The following FAM118A variants were observed in gnomAD, a reference collection of about 807,000 sequenced individuals.
FAM118A encodes the protein protein FAM118A.
FAM118A carries 25 observed loss-of-function variants against 38.2 expected under a neutral mutation model. The observed-to-expected ratio is 0.65, with a 90% CI of 0.48 to 0.91. The LOEUF is 0.91. Ranked by LOEUF, FAM118A falls within the 40% of genes least tolerant of loss-of-function variation. The pLI is 0.00. For missense variants in FAM118A, 425 were observed against 463.3 expected, an observed-to-expected ratio of 0.92 and a Z score of 0.76; for synonymous variants, 178 against 184.1, an observed-to-expected ratio of 0.97 and a Z score of 0.27.
In FAM118A at chr22:45,310,139, G is replaced by A. The variant is rs2146565669; in HGVS notation, c.-54G>A. On this transcript the variant is annotated 5_prime_UTR_variant, in exon 1 of 9. Transcript: ENST00000441876. Reference sequence around the variant, plus strand: ...AGGCGTAGCCGGCTGCGGAGGCGAAGAGGTGGCAGCGCGAGCTGGGACCAG... The same window carrying A: ...AGGCGTAGCCGGCTGCGGAGGCGAAAAGGTGGCAGCGCGAGCTGGGACCAG... 6.6e-6 allele frequency: 1 copy of A among 151,966 alleles called. No homozygotes were observed. Among genetic ancestry groups the A allele is most frequent in the South Asian group, 2.1e-4 (1 of 4,792 alleles). The allele number at this position is 151,966 out of a possible 1,614,324, so 9.4% of individuals were successfully genotyped here.
upstream of FAM118A, chr22:45,309,647 C>G (rs867503327): frequency 4.6e-5 from 7 of 152,256 alleles, no homozygotes; most frequent in African/African-American, 1.4e-4. Context: ...GCTCGCCGGG[C>G]CAGGTAGGGC....
At chr22:45,323,076 T>A in intron 2 of FAM118A, 99 bp from the exon 3 acceptor site, 8 of 1,282,206 alleles carry the variant, frequency 6.2e-6, no homozygotes, top group Non-Finnish European at 8.8e-6. Context: ...TGTGTGTGTG[T>A]ACACAGCACA....
chr22:45,309,683 G>C (rs1040610935), upstream of FAM118A: 2 of 152,268 alleles, frequency 1.3e-5, no homozygotes, highest in Non-Finnish European at 2.9e-5. Flanking sequence ...AGGCCCAAGC[G>C]CTCCCCAGCG....
chr22:45,325,419 G>A (rs942010323), intron 3 of FAM118A, among the ~76,000 whole-genome samples: 9 of 152,160 alleles, frequency 5.9e-5, no homozygotes, highest in Admixed American at 2.0e-4. Flanking sequence ...GCTTGCAAGT[G>A]TATTGGGGGA....
intron 2 of FAM118A, 118 bp from the exon 3 acceptor site, chr22:45,323,041 CTGTGTGTGTGTGTGTG>C (rs3041118): frequency 2.4e-5 from 16 of 659,786 alleles, no homozygotes; most frequent in African/African-American, 7.5e-5. Context: ...TCAGAGGGGA[CTGTGTGTGTGTGTGTG>C]TGTGTGTGTG....
intron 2 of FAM118A, 61 bp from the exon 3 acceptor site, chr22:45,323,114 C>G (rs2084999245): frequency 3.2e-6 from 5 of 1,585,354 alleles, no homozygotes; most frequent in Non-Finnish European, 4.3e-6. Flanking sequence ...CAGTTCCAGA[C>G]TTTGTGTTTG....
intron 1 of FAM118A, among the ~76,000 whole-genome samples, chr22:45,320,192 C>CTGTG (rs1387407564): frequency 1.3e-5 from 2 of 152,074 alleles, no homozygotes; most frequent in African/African-American, 4.8e-5. Flanking sequence ...CAGCCAGTTG[C>CTGTG]TGTGGCTCAT....
chr22:45,340,388 G>C lies in FAM118A; in HGVS notation c.1057G>C (p.Asp353His). 6.2e-7 allele frequency: 1 copy of C among 1,614,210 alleles called. No individual in the cohort carries two copies. Among genetic ancestry groups the C allele is most frequent in the Non-Finnish European group, 8.5e-7 (1 of 1,180,038 alleles). ...SKKRTQSDTD[D>H]AGGS The stretch of plus-strand genomic sequence containing the variant: ...ATTTCATTCTTTTATTTAAACAGAT[G>C]ATGCTGGAGGGTCTTGAAATCTTTA... The change falls in exon 9 of 9, where the codon GAT becomes CAT. Residue 353 changes from aspartate to histidine, a missense_variant and splice_region_variant. Asp to His is a moderately conservative substitution (Grantham distance 81). Coordinates refer to ENST00000441876, the MANE Select transcript of FAM118A (RefSeq NM_017911.4).
chr22:45,309,895 C>A (rs940277448), upstream of FAM118A: 1 of 152,116 alleles, frequency 6.6e-6, no homozygotes, highest in African/African-American at 2.4e-5. Context: ...CGGGACGGAA[C>A]GTTCACGCGG....
chr22:45,314,238 A>G (rs1380625511), intron 1 of FAM118A, among the ~76,000 whole-genome samples: 1 of 152,308 alleles, frequency 6.6e-6, no homozygotes, highest in East Asian at 1.9e-4. Flanking sequence ...TAACATGGAC[A>G]GTTGAATGAT....
At chr22:45,339,778 G>A (rs529653415) in intron 8 of FAM118A, among the ~76,000 whole-genome samples, 1 of 152,162 alleles carries the variant, frequency 6.6e-6, no homozygotes, top group Non-Finnish European at 1.5e-5. Flanking sequence ...TTGTCCCCCC[G>A]TGGCCTACCT....
intron 5 of FAM118A, among the ~76,000 whole-genome samples, chr22:45,331,328 A>T (rs979511528): frequency 1.3e-5 from 2 of 150,810 alleles, no homozygotes; most frequent in African/African-American, 4.9e-5. Flanking sequence ...CATTTCTAAA[A>T]AAATAAATAA....
At position 45,322,357 on chromosome 22, in the gene FAM118A, A is replaced by C; in HGVS notation, c.-9-14A>C. 6.2e-7 allele frequency: 1 copy of C among 1,606,004 alleles called. No homozygotes were observed. The highest frequency in any genetic ancestry group is 8.5e-7 in the Non-Finnish European group (1 of 1,177,548). Reference sequence around the variant, plus strand: ...GGGAGACAGAAGTCACTTCTGACTAATTTTTCTCTTTAGAATTCACAGATG... The same window carrying C: ...GGGAGACAGAAGTCACTTCTGACTACTTTTTCTCTTTAGAATTCACAGATG... On this transcript the variant is annotated splice_polypyrimidine_tract_variant and intron_variant, in intron 1 of 8. Transcript: ENST00000441876.
rs1177211558 is a variant in FAM118A at position 45,335,036 on chromosome 22, G to A, written c.938-314G>A. 1.6e-5 allele frequency: 6 copies of A among 386,486 alleles called. No individual in the cohort carries two copies. In the South Asian group the frequency reaches 2.5e-4, roughly 16 times the overall value. The allele number at this position is 386,486 out of a possible 1,614,324, so 23.9% of individuals were successfully genotyped here. A position where few individuals can be genotyped will look rare whatever the true frequency, so the allele number is the denominator to read the frequency against. ...TTTAATCTGTGACTGTGTCATGAAG[G>A]ACATTTGTACTCGAATTCATGGAGT... On this transcript the variant is annotated intron_variant, in intron 6 of 8. Transcript: ENST00000441876.
At chr22:45,324,340 G>A (rs1055903266) in intron 3 of FAM118A, among the ~76,000 whole-genome samples, 2 of 152,186 alleles carry the variant, frequency 1.3e-5, no homozygotes, top group African/African-American at 2.4e-5. Flanking sequence ...GGCAGCTTCC[G>A]TCGGGTGCCC....
chr22:45,326,254 T>C (rs918267816), intron 3 of FAM118A, among the ~76,000 whole-genome samples: 7 of 152,080 alleles, frequency 4.6e-5, no homozygotes, highest in African/African-American at 1.7e-4. Context: ...CCCTTCCTTT[T>C]TCTCTTGAAG....
intron 3 of FAM118A, among the ~76,000 whole-genome samples, chr22:45,324,364 A>G (rs556702992): frequency 6.6e-6 from 1 of 152,322 alleles, no homozygotes; most frequent in South Asian, 2.1e-4. Context: ...GGGCAGCTGT[A>G]AATGATGTGC....
At chr22:45,328,725 G>A in intron 4 of FAM118A, 1 of 525,932 alleles carries the variant, frequency 1.9e-6, no homozygotes, top group South Asian at 2.2e-5. Flanking sequence ...GATGGTTGCA[G>A]TGAGCTGAGA....
At chr22:45,326,227 G>C (rs2085257521) in intron 3 of FAM118A, among the ~76,000 whole-genome samples, 1 of 150,260 alleles carries the variant, frequency 6.7e-6, no homozygotes, top group Non-Finnish European at 1.5e-5. Flanking sequence ...CATGGTTGCT[G>C]CATCTGCTGT....
Sources: allele counts gnomAD v4.1 joint callset (sites outside exome capture counted in the v4.1 genomes callset), GRCh38; gene constraint gnomAD v4.1.1; transcripts MANE v1.5; gene names NCBI Gene and HGNC (gene_info 2026-07-23, HGNC 2026-07-21).